RAVER2: variants seen among roughly 807,000 people sequenced by gnomAD.
RAVER2 encodes the protein ribonucleoprotein, PTB binding 2.
A neutral mutation model predicts 78.1 loss-of-function variants in RAVER2; 46 were observed. The observed-to-expected ratio is 0.59, with a 90% CI of 0.46 to 0.75. The LOEUF (loss-of-function observed/expected upper bound fraction) is 0.75. RAVER2 is among the 30% of genes least tolerant of loss of function. The pLI, the probability that RAVER2 is intolerant of heterozygous loss-of-function variation, is 0.00. For missense variants in RAVER2, 793 were observed against 837.5 expected, an observed-to-expected ratio of 0.95 and a Z score of 0.66; for synonymous variants, 311 against 313.3, an observed-to-expected ratio of 0.99 and a Z score of 0.08.
In RAVER2 at chr1:64,785,024, A is replaced by G. The variant is rs116210948; in HGVS notation, c.978+3453A>G. Among the ~76,000 whole-genome samples the G allele has an allele frequency of 2.9e-3, 441 of 152,240 alleles. 4 individuals are homozygous for G. The highest frequency in any genetic ancestry group is 0.01 in the African/African-American group (420 of 41,540). ...ACAGGAGAGCTCTTTCTCATCCTCA[A>G]ATCAGCTTATGTCATTCTCTTGCTT... On this transcript the variant is annotated intron_variant, in intron 4 of 11. Transcript: ENST00000294428.
At chr1:64,797,971 G>T (rs577004995) in intron 5 of RAVER2, among the ~76,000 whole-genome samples, 8 of 141,226 alleles carry the variant, frequency 5.7e-5, no homozygotes, top group African/African-American at 1.3e-4. Flanking sequence ...TGTGCACATT[G>T]TGCAGGTTAG....
intron 11 of RAVER2, among the ~76,000 whole-genome samples, chr1:64,819,329 A>C (rs997511822): frequency 3.3e-5 from 5 of 152,190 alleles, no homozygotes; most frequent in African/African-American, 1.2e-4. Flanking sequence ...TTTGGAACTG[A>C]AAACTATAGT....
intron 1 of RAVER2, among the ~76,000 whole-genome samples, chr1:64,750,430 A>G (rs1315750799): frequency 6.6e-6 from 1 of 151,634 alleles, no homozygotes; most frequent in Non-Finnish European, 1.5e-5. Context: ...CATCTCAGCC[A>G]TCTGAGAAGT....
chr1:64,750,088 C>T (rs747454272), intron 1 of RAVER2, among the ~76,000 whole-genome samples: 2 of 152,082 alleles, frequency 1.3e-5, no homozygotes, highest in African/African-American at 4.8e-5. Context: ...ACAAAACATT[C>T]TATTGTCACT....
intron 5 of RAVER2, among the ~76,000 whole-genome samples, chr1:64,794,293 G>A (rs573880441): frequency 2.0e-5 from 3 of 151,698 alleles, no homozygotes; most frequent in Non-Finnish European, 2.9e-5. Context: ...AGCTACTCGG[G>A]AGGCTGAGGC....
intron 2 of RAVER2, among the ~76,000 whole-genome samples, chr1:64,776,285 AG>A (rs1652461182): frequency 6.6e-6 from 1 of 152,232 alleles, no homozygotes; most frequent in Non-Finnish European, 1.5e-5. Context: ...CCTTTTAATA[AG>A]GGCAGTAAAG....
chr1:64,821,226 C>T (rs1328861172), intron 11 of RAVER2, among the ~76,000 whole-genome samples: 1 of 152,112 alleles, frequency 6.6e-6, no homozygotes, highest in African/African-American at 2.4e-5. Context: ...AGTGTCTGTT[C>T]ATGTCCTTTG....
intron 4 of RAVER2, among the ~76,000 whole-genome samples, chr1:64,784,874 G>A (rs1366489860): frequency 6.6e-6 from 1 of 152,060 alleles, no homozygotes; most frequent in African/African-American, 2.4e-5. Flanking sequence ...AAATCCTTGG[G>A]ACCTTGTCAG....
At position 64,763,947 on chromosome 1, in the gene RAVER2, C is replaced by T. The variant is rs1570534692; in HGVS notation, c.250-4709C>T. Among the ~76,000 whole-genome samples the T allele has an allele frequency of 4.6e-5, 7 of 151,408 alleles. No homozygotes were observed. In the East Asian group the frequency reaches 1.4e-3, roughly 29 times the overall value. On this transcript the variant is annotated intron_variant, in intron 1 of 11. Coordinates refer to ENST00000294428, the Ensembl canonical transcript of RAVER2. ...ACACACACACACACACACACACACA[C>T]ACACACACCCCTACCATGTAATTTA...
chr1:64,823,575 T>A (rs979554197), intron 11 of RAVER2, among the ~76,000 whole-genome samples: 1 of 152,196 alleles, frequency 6.6e-6, no homozygotes, highest in African/African-American at 2.4e-5. Flanking sequence ...TTGGGAGAAG[T>A]CTACCTTAAA....
At chr1:64,791,612 T>C (rs1271161320) in intron 5 of RAVER2, among the ~76,000 whole-genome samples, 1 of 152,228 alleles carries the variant, frequency 6.6e-6, no homozygotes, top group Non-Finnish European at 1.5e-5. Context: ...AAGAAGCAGC[T>C]TTGGTAGTTT....
intron 2 of RAVER2, among the ~76,000 whole-genome samples, chr1:64,771,491 G>A (rs923353900): frequency 2.0e-5 from 3 of 151,930 alleles, no homozygotes; most frequent in South Asian, 2.1e-4. Flanking sequence ...TGATGAATAC[G>A]TGATATGGTC....
intron 1 of RAVER2, among the ~76,000 whole-genome samples, chr1:64,746,776 A>G (rs2100795139): frequency 6.6e-6 from 1 of 152,318 alleles, no homozygotes; most frequent in East Asian, 1.9e-4. Context: ...GACACCTGCA[A>G]TGGACTGATT....
intron 11 of RAVER2, among the ~76,000 whole-genome samples, chr1:64,819,248 TAAAAG>T (rs1041836778): frequency 2.0e-5 from 3 of 151,988 alleles, no homozygotes; most frequent in African/African-American, 4.8e-5. Flanking sequence ...TTTAGGAACT[TAAAAG>T]AAAATAAAGT....
chr1:64,793,881 T>C (rs892280941), intron 5 of RAVER2, among the ~76,000 whole-genome samples: 1 of 152,208 alleles, frequency 6.6e-6, no homozygotes, highest in African/African-American at 2.4e-5. Flanking sequence ...CATGGCTTAG[T>C]AGTATTTTTT....
chr1:64,777,702 C>T, exon 3 of RAVER2: 1 of 1,614,014 alleles, frequency 6.2e-7, no homozygotes, highest in Non-Finnish European at 8.5e-7. Flanking sequence ...GAGGAAAAGA[C>T]TTAATAGTCC....
chr1:64,822,337 A>G (rs537355418), intron 11 of RAVER2, among the ~76,000 whole-genome samples: 94 of 152,354 alleles, frequency 6.2e-4, no homozygotes, highest in African/African-American at 1.8e-3. Context: ...GAGAATATCA[A>G]TAAAGAGAGA....
rs1570570964 is a variant in RAVER2 at position 64,804,666 on chromosome 1, A to G, written c.1192-68A>G. ...AGATCGACTGGAGAATTGAACTTCAAAATGAATTGGGTTATACAACATGTA... is the reference window on the plus strand; with the variant it reads ...AGATCGACTGGAGAATTGAACTTCAGAATGAATTGGGTTATACAACATGTA... On this transcript the variant is annotated intron_variant, in intron 6 of 11. Coordinates refer to ENST00000294428, the Ensembl canonical transcript of RAVER2. 12 of 759,910 alleles carry G rather than the reference A, an allele frequency of 1.6e-5. No individual in the cohort carries two copies. In the East Asian group the frequency reaches 3.0e-4, roughly 19 times the overall value. The allele number at this position is 759,910 out of a possible 1,614,324, so 47.1% of individuals were successfully genotyped here.
intron 2 of RAVER2, among the ~76,000 whole-genome samples, chr1:64,775,189 TGA>T (rs1448296688): frequency 2.0e-5 from 3 of 152,200 alleles, no homozygotes; most frequent in Non-Finnish European, 4.4e-5. Context: ...ATGAAAATCG[TGA>T]GTTATGTTTG....
Sources: allele counts gnomAD v4.1 joint callset (sites outside exome capture counted in the v4.1 genomes callset), GRCh38; gene constraint gnomAD v4.1.1; transcripts MANE v1.5; gene names NCBI Gene and HGNC (gene_info 2026-07-23, HGNC 2026-07-21).